The following LUZP2 variants were observed in gnomAD, a reference collection of about 807,000 sequenced individuals.
LUZP2 encodes the protein leucine zipper protein 2.
A neutral mutation model predicts 51.6 loss-of-function variants in LUZP2; 52 were observed. The ratio of observed to expected loss-of-function variants is 1.01; its 90% CI spans 0.81 to 1.27. The LOEUF is 1.27. LUZP2 is among the 50% of genes most tolerant of loss of function. The pLI is 0.00. For synonymous variants in LUZP2, 154 were observed against 137.3 expected (o/e 1.12, Z -0.85); for missense variants, 436 against 395.4 (o/e 1.10, Z -0.87).
chr11:24,787,896 G>A (rs921277567), intron 5 of LUZP2, among the ~76,000 whole-genome samples: 1 of 152,118 alleles, frequency 6.6e-6, no homozygotes, highest in Admixed American at 6.6e-5. Context: ...GAGTCACTGG[G>A]ACTACAGGTG....
intron 4 of LUZP2, among the ~76,000 whole-genome samples, 158 bp downstream of exon 4, chr11:24,738,460 G>A (rs541061647): frequency 1.3e-5 from 2 of 152,200 alleles, no homozygotes; most frequent in African/African-American, 4.8e-5. Flanking sequence ...TACTTGGTCA[G>A]CTTTCATTCC....
At chr11:24,861,923 A>C (rs1463758261) in intron 5 of LUZP2, among the ~76,000 whole-genome samples, 2 of 152,030 alleles carry the variant, frequency 1.3e-5, no homozygotes, top group East Asian at 1.9e-4. Flanking sequence ...GTTTATGATA[A>C]ATTCCCCTAC....
chr11:24,820,301 G>C (rs897256110), intron 5 of LUZP2, among the ~76,000 whole-genome samples: 1 of 152,164 alleles, frequency 6.6e-6, no homozygotes, highest in Admixed American at 6.5e-5. Context: ...AGAAGAGCAT[G>C]TTTGACACTA....
intron 10 of LUZP2, among the ~76,000 whole-genome samples, chr11:25,068,455 C>T (rs1859058686): frequency 6.6e-6 from 1 of 151,876 alleles, no homozygotes; most frequent in Non-Finnish European, 1.5e-5. Context: ...ACAAATGTTG[C>T]CAAGTTTCAA....
At chr11:24,717,133 TCTAA>T (rs1858077423) in intron 1 of LUZP2, among the ~76,000 whole-genome samples, 1 of 151,660 alleles carries the variant, frequency 6.6e-6, no homozygotes, top group African/African-American at 2.4e-5. Context: ...AAGTAATTTC[TCTAA>T]CTAGATTGAT....
intron 1 of LUZP2, among the ~76,000 whole-genome samples, chr11:24,678,560 G>A (rs1037049890): frequency 2.0e-5 from 3 of 152,160 alleles, no homozygotes; most frequent in Non-Finnish European, 4.4e-5. Flanking sequence ...CTGAGATTGT[G>A]TCTTGTGTTT....
At chr11:24,637,537 G>C (rs1315758496) in intron 1 of LUZP2, among the ~76,000 whole-genome samples, 3 of 151,850 alleles carry the variant, frequency 2.0e-5, no homozygotes, top group Admixed American at 1.3e-4. Context: ...CAGAAAGCGA[G>C]TAGGAGAGAT....
chr11:24,552,501 A>G (rs1009339908), intron 1 of LUZP2, among the ~76,000 whole-genome samples: 4 of 152,028 alleles, frequency 2.6e-5, no homozygotes, highest in Non-Finnish European at 5.9e-5. Flanking sequence ...CTAGACTTTC[A>G]GTACTTTAAG....
chr11:24,757,425 C>T (rs1210678712), intron 4 of LUZP2, among the ~76,000 whole-genome samples: 1 of 152,046 alleles, frequency 6.6e-6, no homozygotes, highest in Non-Finnish European at 1.5e-5. Flanking sequence ...TGATCAAACA[C>T]ATTGTCATAC....
chr11:24,842,357 G>T lies in LUZP2; in HGVS notation c.397-63634G>T, dbSNP rs1159949390. Among the ~76,000 whole-genome samples the T allele has an allele frequency of 2.0e-5, 3 of 151,308 alleles. No individual in the cohort carries two copies. In the East Asian group the frequency reaches 5.8e-4, roughly 29 times the overall value. ...TGATGTAATAGTTCTACACATATAT[G>T]AATTAATAAAATAGTTTTGAGATTT... On this transcript the variant is annotated intron_variant, in intron 5 of 11. Transcript: ENST00000336930.
intron 11 of LUZP2, among the ~76,000 whole-genome samples, chr11:25,078,180 G>A (rs962108125): frequency 6.6e-6 from 1 of 152,132 alleles, no homozygotes; most frequent in Non-Finnish European, 1.5e-5. Flanking sequence ...TATTTGTACT[G>A]TATTATACTT....
At chr11:24,602,165 T>C (rs1240700730) in intron 1 of LUZP2, among the ~76,000 whole-genome samples, 5 of 67,130 alleles carry the variant, frequency 7.4e-5, no homozygotes, top group Non-Finnish European at 1.2e-4. Context: ...TATGTATATA[T>C]GTGTATATAT....
intron 1 of LUZP2, among the ~76,000 whole-genome samples, chr11:24,707,027 A>G (rs1857612307): frequency 6.6e-6 from 1 of 151,506 alleles, no homozygotes; most frequent in South Asian, 2.1e-4. Flanking sequence ...GAAAGGAAAA[A>G]GAGAGATGAA....
intron 9 of LUZP2, among the ~76,000 whole-genome samples, chr11:25,035,393 G>A (rs1010782624): frequency 6.6e-6 from 1 of 151,876 alleles, no homozygotes; most frequent in African/African-American, 2.4e-5. Flanking sequence ...CATCAACAAT[G>A]TCCAGGCTGA....
At position 24,983,241 on chromosome 11, in the gene LUZP2, T is replaced by C; in HGVS notation, c.713T>C (p.Leu238Pro). 1 of 1,612,252 alleles carries C rather than the reference T, an allele frequency of 6.2e-7. No individual in the cohort carries two copies. Among genetic ancestry groups the C allele is most frequent in the Non-Finnish European group, 8.5e-7 (1 of 1,178,848 alleles). ...ACATCAAATCCAACTCGGATGTTAC[T>C]CCCACCCAGGAATATTGCCTCTAAG... ...LITSNPTRML[L>P]PPRNIASKLP... Residue 238 changes from leucine (L) to proline (P), a missense_variant, in exon 9 of 12, where the codon CTC becomes CCC. Transcript: ENST00000336930.
chr11:24,989,101 TAA>T (rs67413838), intron 9 of LUZP2, among the ~76,000 whole-genome samples: 4,809 of 143,424 alleles, frequency 0.034, 100 homozygotes, highest in East Asian at 0.1. Flanking sequence ...CCTGTGCAGT[TAA>T]AAAAAAAAAA....
At chr11:24,559,099 T>A (rs1200120567) in intron 1 of LUZP2, among the ~76,000 whole-genome samples, 1 of 152,180 alleles carries the variant, frequency 6.6e-6, no homozygotes, top group Non-Finnish European at 1.5e-5. Flanking sequence ...CTCCTGTAGA[T>A]TACATTTGAC....
At chr11:25,018,043 T>TTTTTTTTTTTTG (rs140118006) in intron 9 of LUZP2, among the ~76,000 whole-genome samples, 3 of 30,740 alleles carry the variant, frequency 9.8e-5, no homozygotes, top group Non-Finnish European at 2.9e-4. Context: ...TTCTGTTTTT[T>TTTTTTTTTTTTG]TTTTGTTTTT....
intron 9 of LUZP2, among the ~76,000 whole-genome samples, chr11:25,048,815 T>C (rs1858398506): frequency 6.6e-6 from 1 of 151,416 alleles, no homozygotes; most frequent in South Asian, 2.1e-4. Flanking sequence ...ATTTACTTTT[T>C]ATTTATTTAT....
Sources: gnomAD v4.1 joint callset for allele counts (sites outside exome capture counted in the v4.1 genomes callset) on GRCh38, gnomAD v4.1.1 for gene constraint, MANE v1.5 for transcripts, NCBI Gene and HGNC (gene_info 2026-07-23, HGNC 2026-07-21) for gene names.